The following TACR3 variants were observed in gnomAD, a reference collection of about 807,000 sequenced individuals.
TACR3 encodes tachykinin receptor 3, also known as neuromedin-K receptor.
TACR3 carries 34 observed loss-of-function variants against 35.0 expected under a neutral mutation model. The observed-to-expected ratio is 0.97, with a 90% CI of 0.74 to 1.30. The LOEUF (loss-of-function observed/expected upper bound fraction) is 1.30, where lower values mean the gene tolerates loss of function less well. Ranked by LOEUF, TACR3 falls within the 50% of genes most tolerant of loss-of-function variation. The pLI is 0.00. For missense variants in TACR3, 558 were observed against 591.7 expected, an observed-to-expected ratio of 0.94 and a Z score of 0.59; for synonymous variants, 233 against 221.1, an observed-to-expected ratio of 1.05 and a Z score of -0.48.
chr4:103,633,511 T>C (rs1167897877), intron 3 of TACR3, among the ~76,000 whole-genome samples: 1 of 152,076 alleles, frequency 6.6e-6, no homozygotes, highest in Non-Finnish European at 1.5e-5. Flanking sequence ...GGTGCACCCA[T>C]CACCCAAGCA....
intron 3 of TACR3, among the ~76,000 whole-genome samples, chr4:103,600,999 A>G (rs143860404): frequency 4.0e-4 from 61 of 152,168 alleles, no homozygotes; most frequent in African/African-American, 1.3e-3. Flanking sequence ...AGCTGAGTTC[A>G]ATTCTTGGGT....
At chr4:103,666,044 T>A (rs1560523872) in intron 1 of TACR3, among the ~76,000 whole-genome samples, 1 of 152,180 alleles carries the variant, frequency 6.6e-6, no homozygotes, top group African/African-American at 2.4e-5. Flanking sequence ...ATTTACAACC[T>A]CTTGTGAAGT....
intron 1 of TACR3, among the ~76,000 whole-genome samples, chr4:103,666,937 T>C (rs1012247160): frequency 6.6e-6 from 1 of 152,106 alleles, no homozygotes; most frequent in Non-Finnish European, 1.5e-5. Flanking sequence ...ATAAAGTCAC[T>C]TCAGTGTCAT....
At chr4:103,626,943 G>C (rs1427053854) in intron 3 of TACR3, among the ~76,000 whole-genome samples, 3 of 151,662 alleles carry the variant, frequency 2.0e-5, no homozygotes, top group African/African-American at 7.3e-5. Context: ...GGGAGATTGA[G>C]GTGGGCGGAT....
chr4:103,655,447 G>A (rs1725712300), intron 3 of TACR3, among the ~76,000 whole-genome samples: 1 of 151,946 alleles, frequency 6.6e-6, no homozygotes, highest in Non-Finnish European at 1.5e-5. Flanking sequence ...CCCCAACTGT[G>A]GAGAAAAGGA....
intron 1 of TACR3, among the ~76,000 whole-genome samples, chr4:103,686,022 T>C (rs919080747): frequency 2.6e-5 from 4 of 152,262 alleles, no homozygotes; most frequent in African/African-American, 9.6e-5. Flanking sequence ...TCTCAGTTGT[T>C]AAAACAATCA....
chr4:103,604,708 C>T (rs1001747232), intron 3 of TACR3, among the ~76,000 whole-genome samples: 4 of 152,002 alleles, frequency 2.6e-5, no homozygotes, highest in Non-Finnish European at 5.9e-5. Context: ...AAAACACCAC[C>T]ATCAAAAAGT....
intron 3 of TACR3, among the ~76,000 whole-genome samples, chr4:103,601,454 A>T (rs928250573): frequency 6.6e-6 from 1 of 152,034 alleles, no homozygotes; most frequent in Admixed American, 6.6e-5. Flanking sequence ...ATTTTGCTCG[A>T]TATTTGATGC....
intron 3 of TACR3, chr4:103,624,594 A>G (rs1178571086): frequency 6.6e-6 from 1 of 152,216 alleles, no homozygotes; most frequent in Non-Finnish European, 1.5e-5. Flanking sequence ...GCAAAGTAGT[A>G]GAAGAAAGTC....
At chr4:103,622,081 G>A (rs1036248527) in intron 3 of TACR3, among the ~76,000 whole-genome samples, 3 of 152,184 alleles carry the variant, frequency 2.0e-5, no homozygotes, top group African/African-American at 7.2e-5. Flanking sequence ...GCCATGGACA[G>A]GGAGACTTCT....
intron 1 of TACR3, among the ~76,000 whole-genome samples, chr4:103,707,369 T>A (rs1383925835): frequency 6.6e-6 from 1 of 152,256 alleles, no homozygotes; most frequent in Non-Finnish European, 1.5e-5. Flanking sequence ...TTTACAAATT[T>A]ACTTTGGCAT....
chr4:103,591,678 G>T lies in TACR3; in HGVS notation c.894C>A (p.Val298=). 1.2e-6 allele frequency: 2 copies of T among 1,611,662 alleles called. No homozygotes were observed. Among genetic ancestry groups the T allele is most frequent in the South Asian group, 2.2e-5 (2 of 90,864 alleles). The part of the protein sequence containing the change: ...HEQLKAKRKV[V]KMMIIVVMTF... ...TCATGACAACAATAATCATCATTTT[G>T]ACAACCTATAAAGAAAAAAAGTCAT... is the stretch of plus-strand genomic sequence containing the variant. Residue 298 remains valine (V), a synonymous_variant, in exon 4 of 5, where the codon GTC becomes GTA. Transcript: ENST00000304883.
At position 103,589,520 on chromosome 4, in the gene TACR3, T is replaced by TTG; in HGVS notation, c.*160_*161dup. 1 of 695,284 alleles carries TTG rather than the reference T, an allele frequency of 1.4e-6. No homozygotes were observed. Among genetic ancestry groups the TTG allele is most frequent in the South Asian group, 1.9e-5 (1 of 52,040 alleles). The allele number at this position is 695,284 out of a possible 1,614,324, so 43.1% of individuals were successfully genotyped here. A position where few individuals can be genotyped will look rare whatever the true frequency, so the allele number is the denominator to read the frequency against. The stretch of plus-strand genomic sequence containing the variant: ...GGAGGCTAACATGTTATTAGTGTCT[T>TTG]TGTCACATTTATACACTACCTTTCT... On this transcript the variant is annotated 3_prime_UTR_variant, in exon 5 of 5. Transcript: ENST00000304883.
At chr4:103,658,915 G>A (rs908972577) in intron 1 of TACR3, among the ~76,000 whole-genome samples, 1 of 152,108 alleles carries the variant, frequency 6.6e-6, no homozygotes, top group Non-Finnish European at 1.5e-5. Flanking sequence ...GAATCCGTGG[G>A]AGCCCTGAGC....
chr4:103,711,419 A>G lies in TACR3; in HGVS notation c.548+7709T>C, dbSNP rs1385222232. ...CATGGGTTATCTCAATAGATGAAGAAAAGGTCTTTGACGAAATTCAACAAC... is the reference window on the plus strand; with the variant it reads ...CATGGGTTATCTCAATAGATGAAGAGAAGGTCTTTGACGAAATTCAACAAC... On this transcript the variant is annotated intron_variant, in intron 1 of 4. Transcript: ENST00000304883. Among the ~76,000 whole-genome samples the G allele has an allele frequency of 3.3e-5, 5 of 152,248 alleles. No homozygotes were observed. In the East Asian group the frequency reaches 9.6e-4, roughly 29 times the overall value.
intron 3 of TACR3, among the ~76,000 whole-genome samples, chr4:103,598,044 G>T: frequency 6.6e-6 from 1 of 152,164 alleles, no homozygotes; most frequent in Non-Finnish European, 1.5e-5. Context: ...TTCCACAGTG[G>T]TTGAACTAGT....
intron 3 of TACR3, among the ~76,000 whole-genome samples, chr4:103,602,006 G>T (rs572078575): frequency 2.6e-5 from 4 of 152,118 alleles, no homozygotes; most frequent in Non-Finnish European, 5.9e-5. Flanking sequence ...CAATCTCCCC[G>T]TCACTTTCAG....
At chr4:103,710,378 G>A (rs913085150) in intron 1 of TACR3, among the ~76,000 whole-genome samples, 1 of 152,150 alleles carries the variant, frequency 6.6e-6, no homozygotes, top group South Asian at 2.1e-4. Context: ...CAAGTGCATG[G>A]AAACTGAACA....
At chr4:103,617,804 T>C (rs1375076622) in intron 3 of TACR3, among the ~76,000 whole-genome samples, 1 of 152,208 alleles carries the variant, frequency 6.6e-6, no homozygotes, top group Non-Finnish European at 1.5e-5. Flanking sequence ...CCATATTAAA[T>C]GTAAACTTTC....
Sources: allele counts gnomAD v4.1 joint callset (sites outside exome capture counted in the v4.1 genomes callset), GRCh38; gene constraint gnomAD v4.1.1; transcripts MANE v1.5; gene names NCBI Gene and HGNC (gene_info 2026-07-23, HGNC 2026-07-21).